The following NEDD4L variants were observed in gnomAD, a reference collection of about 807,000 sequenced individuals.
NEDD4L encodes NEDD4 like E3 ubiquitin protein ligase.
Under a neutral mutation model 148.9 loss-of-function variants are expected in NEDD4L, and 54 were observed. The observed-to-expected ratio is 0.36, with a 90% confidence interval of 0.29 to 0.45. The LOEUF (loss-of-function observed/expected upper bound fraction) is 0.45. Ranked by LOEUF, NEDD4L falls within the 20% of genes least tolerant of loss-of-function variation. The pLI is 1.00. For missense variants in NEDD4L, 856 were observed against 1,233.8 expected, an observed-to-expected ratio of 0.69 and a Z score of 4.59; for synonymous variants, 433 against 440.7, an observed-to-expected ratio of 0.98 and a Z score of 0.22.
chr18:58,045,202 T>C (rs920308575), intron 1 of NEDD4L: 2 of 398,582 alleles, frequency 5.0e-6, no homozygotes, highest in Non-Finnish European at 8.8e-6. Context: ...CTCAGAAGCC[T>C]GTGCGTGCTT....
intron 5 of NEDD4L, among the ~76,000 whole-genome samples, chr18:58,277,662 T>A (rs535124245): frequency 6.6e-6 from 1 of 152,302 alleles, no homozygotes; most frequent in East Asian, 1.9e-4. Flanking sequence ...TCTGCAGACA[T>A]TGACCTGAAA....
intron 11 of NEDD4L, 35 bp downstream of exon 11, chr18:58,330,949 C>A: frequency 6.2e-7 from 1 of 1,600,624 alleles, no homozygotes; most frequent in Non-Finnish European, 8.6e-7. Flanking sequence ...AAAAGCTGAG[C>A]AATGTTTTAT....
At chr18:58,325,404 A>G (rs1295177746) in intron 9 of NEDD4L, among the ~76,000 whole-genome samples, 2 of 152,196 alleles carry the variant, frequency 1.3e-5, no homozygotes, top group Admixed American at 6.5e-5. Context: ...TTTATTTTCT[A>G]TGTCTTCTTT....
chr18:58,093,056 A>G (rs6566937), intron 1 of NEDD4L, among the ~76,000 whole-genome samples: 58,761 of 151,606 alleles, frequency 0.39, 13,597 homozygotes, highest in African/African-American at 0.66. Flanking sequence ...GTAGGGACGG[A>G]GTATTCCCTC....
chr18:58,316,644 C>T (rs1386170183), intron 6 of NEDD4L, among the ~76,000 whole-genome samples: 3 of 152,154 alleles, frequency 2.0e-5, no homozygotes, highest in Admixed American at 6.5e-5. Flanking sequence ...GCGGAGCAGT[C>T]GAGGCTGTTG....
At chr18:58,303,484 T>G (rs938700162) in intron 5 of NEDD4L, among the ~76,000 whole-genome samples, 14 of 152,142 alleles carry the variant, frequency 9.2e-5, no homozygotes, top group Non-Finnish European at 2.1e-4. Flanking sequence ...CTGGAAACTG[T>G]GTAACTTTTG....
intron 2 of NEDD4L, among the ~76,000 whole-genome samples, chr18:58,204,008 T>TA (rs1568381610): frequency 6.6e-6 from 1 of 152,146 alleles, no homozygotes; most frequent in African/African-American, 2.4e-5. Flanking sequence ...TGACTTATAA[T>TA]AAAAAATTCA....
At chr18:58,349,767 A>G (rs553223953) in intron 17 of NEDD4L, among the ~76,000 whole-genome samples, 153 bp downstream of exon 17, 2 of 152,330 alleles carry the variant, frequency 1.3e-5, no homozygotes, top group Non-Finnish European at 2.9e-5. Context: ...GTTTAGCTGA[A>G]TTGTAGTCAT....
chr18:58,071,094 C>G (rs1237735636), intron 1 of NEDD4L, among the ~76,000 whole-genome samples: 1 of 152,006 alleles, frequency 6.6e-6, no homozygotes, highest in Non-Finnish European at 1.5e-5. Context: ...AGAAACTGTC[C>G]TTGATGAAGC....
intron 23 of NEDD4L, 45 bp downstream of exon 23, chr18:58,370,512 G>A: frequency 7.8e-7 from 1 of 1,278,698 alleles, no homozygotes; most frequent in Non-Finnish European, 1.1e-6. Context: ...GGGCACTCGT[G>A]TCTTATGAGA....
intron 5 of NEDD4L, among the ~76,000 whole-genome samples, chr18:58,303,509 C>T (rs1181158364): frequency 1.3e-5 from 2 of 152,176 alleles, no homozygotes; most frequent in African/African-American, 4.8e-5. Flanking sequence ...TGATCTTAAA[C>T]ACAACTCAGT....
chr18:58,379,790 T>G (rs1462786774), intron 24 of NEDD4L, among the ~76,000 whole-genome samples: 1 of 152,134 alleles, frequency 6.6e-6, no homozygotes, highest in African/African-American at 2.4e-5. Flanking sequence ...CTCATGAAAG[T>G]GTCACCTGTA....
chr18:58,359,349 G>C (rs1352589157), intron 19 of NEDD4L, among the ~76,000 whole-genome samples: 2 of 151,666 alleles, frequency 1.3e-5, no homozygotes, highest in East Asian at 3.9e-4. Flanking sequence ...TATTCTTATA[G>C]CTCTCACATT....
At chr18:58,139,926 G>T (rs1385436633) in intron 1 of NEDD4L, among the ~76,000 whole-genome samples, 3 of 152,162 alleles carry the variant, frequency 2.0e-5, no homozygotes, top group African/African-American at 7.2e-5. Flanking sequence ...AAGGCTCCTA[G>T]ACTTAGCATT....
At chr18:58,231,215 G>A (rs973668871) in intron 2 of NEDD4L, among the ~76,000 whole-genome samples, 2 of 145,206 alleles carry the variant, frequency 1.4e-5, no homozygotes, top group Admixed American at 7.0e-5. Flanking sequence ...TGCAGCCTGG[G>A]TGGCAGAGCG....
chr18:58,353,484 C>T (rs965860264), intron 18 of NEDD4L, among the ~76,000 whole-genome samples: 2 of 152,208 alleles, frequency 1.3e-5, no homozygotes, highest in African/African-American at 2.4e-5. Context: ...GATTTGTTTA[C>T]GAGTGCCTCC....
intron 1 of NEDD4L, among the ~76,000 whole-genome samples, chr18:58,058,492 C>A (rs902291709): frequency 3.1e-4 from 47 of 152,298 alleles, no homozygotes; most frequent in African/African-American, 1.1e-3. Flanking sequence ...CCAGCCATTC[C>A]AGTTTCTTGT....
chr18:58,401,281 T>G lies in NEDD4L; in HGVS notation c.*5012T>G. On this transcript the variant is annotated 3_prime_UTR_variant, in exon 31 of 31. Transcript: ENST00000400345. The stretch of plus-strand genomic sequence containing the variant: ...GTGGTAAAAACCAAACTACCTTGAA[T>G]TTTTTTAAGGCAACTTATGAATAAT... 6.6e-6 allele frequency: 1 copy of G among 152,196 alleles called. No homozygotes were observed. The highest frequency in any genetic ancestry group is 1.5e-5 in the Non-Finnish European group (1 of 68,034). The allele number at this position is 152,196 out of a possible 1,614,324, so 9.4% of individuals were successfully genotyped here.
rs532087761 is a variant in NEDD4L at position 58,175,210 on chromosome 18, A to G, written c.122+9349A>G. On this transcript the variant is annotated intron_variant, in intron 2 of 30. Coordinates refer to ENST00000400345, the MANE Select transcript of NEDD4L (RefSeq NM_001144967.3). Reference sequence around the variant, plus strand: ...GGTTTCTGGAAGGTCTTGGCAATCTAGCCACACTGGGCCTGCATCTGTGCA... The same window carrying G: ...GGTTTCTGGAAGGTCTTGGCAATCTGGCCACACTGGGCCTGCATCTGTGCA... 2.0e-5 allele frequency among the ~76,000 whole-genome samples: 3 copies of G among 152,370 alleles called. No individual in the cohort carries two copies. The South Asian group carries it at 6.2e-4, about 32-fold the overall frequency.
Sources: gnomAD v4.1 joint callset for allele counts (sites outside exome capture counted in the v4.1 genomes callset) on GRCh38, gnomAD v4.1.1 for gene constraint, MANE v1.5 for transcripts, NCBI Gene and HGNC (gene_info 2026-07-23, HGNC 2026-07-21) for gene names.